SMCHD1: variants seen among roughly 807,000 people sequenced by gnomAD.
SMCHD1 encodes the protein structural maintenance of chromosomes flexible hinge domain containing 1.
Under a neutral mutation model 254.7 loss-of-function variants are expected in SMCHD1, and 78 were observed. That is an observed-to-expected ratio of 0.31 (90% confidence interval 0.26 to 0.37). SMCHD1 has a LOEUF of 0.37. Among genes scored for constraint, SMCHD1 ranks in the 10% least tolerant of loss-of-function variants. The pLI, the probability that SMCHD1 is intolerant of heterozygous loss-of-function variation, is 1.00. For synonymous variants in SMCHD1, 766 were observed against 794.9 expected (o/e 0.96, Z 0.61); for missense variants, 1,840 against 2,408.1 (o/e 0.76, Z 4.94).
In SMCHD1 at chr18:2,718,700, C is replaced by T. The variant is rs181096479; in HGVS notation, c.2458+266C>T. On this transcript the variant is annotated intron_variant, in intron 19 of 47. Transcript: ENST00000320876. This position sits in a 1 kb window ranked among gnomAD's most constrained non-coding sequence, Gnocchi z 4.6. ...CCTCCCGAGTAGCTGGGATTACAGG[C>T]GCCCGCCACCACACCTGGCTTTTTG... Among the ~76,000 whole-genome samples, 63 of 151,980 alleles carry T rather than the reference C, an allele frequency of 4.1e-4. No individual in the cohort carries two copies. In the East Asian group the frequency reaches 9.7e-3, roughly 23 times the overall value.
At chr18:2,662,200 T>TAAAGAAAG (rs142598745) in intron 1 of SMCHD1, among the ~76,000 whole-genome samples, 4 of 106,640 alleles carry the variant, frequency 3.8e-5, no homozygotes, top group Non-Finnish European at 6.9e-5. Flanking sequence ...AATAAATAAA[T>TAAAGAAAG]AAAGAAAGAA....
Position 2,760,698 on chromosome 18 carries a change from G to T in SMCHD1, c.4393G>T (p.Gly1465Cys). ...NKVGTYCIQF[G>C]FMMDKTNILN... Reference sequence around the variant, plus strand: ...AGTGGGGACATATTGTATCCAGTTTGGTTTTATGATGGATAAAACAAATAT... The same window carrying T: ...AGTGGGGACATATTGTATCCAGTTTTGTTTTATGATGGATAAAACAAATAT... Residue 1465 changes from glycine (G) to cysteine (C), a missense_variant, in exon 35 of 48, where the codon GGT becomes TGT. Physicochemically the swap from Gly to Cys is radical, Grantham distance 159. Around this residue, in one of 9 missense-constraint regions of SMCHD1, gnomAD observed 881 missense variants for 1,009.5 expected, o/e 0.87. Coordinates refer to ENST00000320876, the MANE Select transcript of SMCHD1 (RefSeq NM_015295.3). 1.2e-6 allele frequency: 2 copies of T among 1,602,944 alleles called. No individual in the cohort carries two copies. The highest frequency in any genetic ancestry group is 1.7e-6 in the Non-Finnish European group (2 of 1,170,556).
At chr18:2,775,068 ATTTTTTT>A (rs10601895) in intron 41 of SMCHD1, among the ~76,000 whole-genome samples, 15 of 73,054 alleles carry the variant, frequency 2.1e-4, no homozygotes, top group East Asian at 9.3e-4. Context: ...AAAAGGAACA[ATTTTTTT>A]TTTTTTTTTT....
intron 47 of SMCHD1, among the ~76,000 whole-genome samples, chr18:2,799,544 C>T (rs2076322485): frequency 6.6e-6 from 1 of 151,992 alleles, no homozygotes; most frequent in Admixed American, 6.5e-5. Flanking sequence ...AAATATTGTT[C>T]AGGCAAATAT....
intron 5 of SMCHD1, among the ~76,000 whole-genome samples, chr18:2,678,223 T>TTCTTTCTTTTTC (rs58882016): frequency 7.2e-6 from 1 of 138,966 alleles, no homozygotes; most frequent in African/African-American, 2.6e-5. Context: ...CTTTCTTTCT[T>TTCTTTCTTTTTC]TTTCTTTCTT....
At chr18:2,724,515 A>C (rs2074988413) in intron 20 of SMCHD1, among the ~76,000 whole-genome samples, 1 of 152,168 alleles carries the variant, frequency 6.6e-6, no homozygotes, top group Admixed American at 6.5e-5. Flanking sequence ...ATTTGAAAGA[A>C]TTCATGGTAA....
chr18:2,705,663 G>A, intron 13 of SMCHD1, 31 bp from the exon 14 acceptor site: 1 of 1,098,266 alleles, frequency 9.1e-7, no homozygotes. Context: ...TAATACTGAA[G>A]CTTTTTTTTT....
intron 47 of SMCHD1, chr18:2,801,141 CAT>C (rs1375032367): frequency 2.6e-5 from 4 of 152,166 alleles, no homozygotes; most frequent in African/African-American, 9.7e-5. Context: ...GAAATGCTAT[CAT>C]GTGGAAGAGG....
chr18:2,764,981 T>C (rs2075843176), intron 37 of SMCHD1, among the ~76,000 whole-genome samples: 1 of 152,234 alleles, frequency 6.6e-6, no homozygotes. Context: ...CAGAAGTATA[T>C]GTCTATCTTA....
chr18:2,726,285 C>CT (rs1306822854), intron 21 of SMCHD1, among the ~76,000 whole-genome samples, 167 bp from the exon 22 acceptor site: 2 of 151,674 alleles, frequency 1.3e-5, no homozygotes, highest in Admixed American at 6.6e-5. Context: ...TTTTTTTCCT[C>CT]TAAGATTTCT....
At chr18:2,726,558 A>C in intron 22 of SMCHD1, 34 bp downstream of exon 22, 1 of 1,068,538 alleles carries the variant, frequency 9.4e-7, no homozygotes, top group African/African-American at 1.6e-5. Flanking sequence ...ATTATTTAAA[A>C]TAATTTTCTT....
At chr18:2,669,349 AAAAAAT>A (rs995912258) in intron 3 of SMCHD1, among the ~76,000 whole-genome samples, 4 of 152,034 alleles carry the variant, frequency 2.6e-5, no homozygotes, top group South Asian at 2.1e-4. Flanking sequence ...CTCTCTCTCT[AAAAAAT>A]AAAAATAAAA....
chr18:2,781,018 A>C (rs1453979538), intron 44 of SMCHD1, among the ~76,000 whole-genome samples: 1 of 152,230 alleles, frequency 6.6e-6, no homozygotes, highest in Non-Finnish European at 1.5e-5. Context: ...CTAATGCCAG[A>C]TTTTTGCAGT....
intron 37 of SMCHD1, among the ~76,000 whole-genome samples, chr18:2,765,515 A>G (rs12608362): frequency 0.3 from 45,277 of 152,058 alleles, 6,939 homozygotes; most frequent in East Asian, 0.5. Flanking sequence ...TCTGGCAGTG[A>G]CTGACCAGTA....
intron 10 of SMCHD1, among the ~76,000 whole-genome samples, chr18:2,698,499 CT>C (rs1332618771): frequency 6.6e-6 from 1 of 151,818 alleles, no homozygotes; most frequent in Non-Finnish European, 1.5e-5. Flanking sequence ...CTGTGTTTTT[CT>C]TTTTTGTATG....
rs149006432 is a variant in SMCHD1 at position 2,717,343 on chromosome 18, A to G, written c.2261-815A>G. ...CCCACTGTAGTGTTCAAAGTATCCA[A>G]AGTTTCTTTTGCTTTTTTTTTGAGA... On this transcript the variant is annotated intron_variant, in intron 17 of 47. Transcript: ENST00000320876. Among the ~76,000 whole-genome samples, 710 of 152,126 alleles carry G rather than the reference A, an allele frequency of 4.7e-3. 5 individuals are homozygous for G. The highest frequency in any genetic ancestry group is 0.015 in the African/African-American group (616 of 41,504).
At chr18:2,802,135 A>AAT (rs3036322) in intron 47 of SMCHD1, among the ~76,000 whole-genome samples, 50,065 of 151,842 alleles carry the variant, frequency 0.33, 8,485 homozygotes, top group East Asian at 0.45. Flanking sequence ...ATGAATATTA[A>AAT]ATGTTTTATT....
intron 45 of SMCHD1, among the ~76,000 whole-genome samples, chr18:2,787,016 C>A (rs2076251202): frequency 6.6e-6 from 1 of 152,084 alleles, no homozygotes; most frequent in South Asian, 2.1e-4. Flanking sequence ...TAAAGGAATA[C>A]CTGAAGCTGG....
chr18:2,656,564 G>C (rs1465032538), intron 1 of SMCHD1, among the ~76,000 whole-genome samples: 2 of 152,246 alleles, frequency 1.3e-5, no homozygotes, highest in African/African-American at 4.8e-5. Context: ...CCCTGGGCGA[G>C]CTTAGCCCGG....
Sources: allele counts gnomAD v4.1 joint callset (sites outside exome capture counted in the v4.1 genomes callset), GRCh38; gene constraint gnomAD v4.1.1; regional missense constraint gnomAD v4.1.1; non-coding constraint Gnocchi (gnomAD v3.1); transcripts MANE v1.5; gene names NCBI Gene and HGNC (gene_info 2026-07-23, HGNC 2026-07-21).